IQCM: variants seen among roughly 807,000 people sequenced by gnomAD.
The protein encoded by IQCM is IQ motif containing M, also known as IQ domain-containing protein M.
A neutral mutation model predicts 57.6 loss-of-function variants in IQCM; 45 were observed. That is an observed-to-expected ratio of 0.78 (90% CI 0.62 to 1.00). IQCM has a LOEUF of 1.00. Ranked by LOEUF, IQCM falls within the 50% of genes least tolerant of loss-of-function variation. The probability of loss-of-function intolerance (pLI) is 0.00; values close to 1 mark genes in which losing one functional copy is unlikely to be tolerated. For synonymous variants in IQCM, 148 were observed against 158.9 expected (o/e 0.93, Z 0.51); for missense variants, 468 against 511.6 (o/e 0.91, Z 0.82).
At chr4:149,602,631 T>C (rs999635778) in intron 8 of IQCM, among the ~76,000 whole-genome samples, 1 of 152,104 alleles carries the variant, frequency 6.6e-6, no homozygotes, top group African/African-American at 2.4e-5. Context: ...TCTTCATTTA[T>C]GTAATATTTC....
intron 8 of IQCM, among the ~76,000 whole-genome samples, chr4:149,597,275 C>G (rs1244192942): frequency 6.6e-6 from 1 of 152,022 alleles, no homozygotes; most frequent in East Asian, 1.9e-4. Context: ...AGCAGTGAGA[C>G]AGAAAGAGAT....
chr4:149,532,274 C>T (rs560089160), intron 12 of IQCM, among the ~76,000 whole-genome samples: 32 of 152,130 alleles, frequency 2.1e-4, no homozygotes, highest in African/African-American at 7.7e-4. Flanking sequence ...TATACAAAGG[C>T]AATGCTGGTA....
chr4:149,735,120 A>C (rs1766814916), intron 4 of IQCM, among the ~76,000 whole-genome samples: 1 of 152,104 alleles, frequency 6.6e-6, no homozygotes, highest in Non-Finnish European at 1.5e-5. Context: ...AAATTCTTCA[A>C]AAAAAATTTA....
chr4:149,681,177 T>C (rs1762148417), intron 7 of IQCM, among the ~76,000 whole-genome samples: 1 of 151,258 alleles, frequency 6.6e-6, no homozygotes, highest in Non-Finnish European at 1.5e-5. Context: ...ATTACACCCA[T>C]TAGACCCTAG....
chr4:149,520,756 C>T (rs1745554087), intron 12 of IQCM, among the ~76,000 whole-genome samples: 1 of 152,134 alleles, frequency 6.6e-6, no homozygotes, highest in Non-Finnish European at 1.5e-5. Flanking sequence ...AGACATCATA[C>T]TTCCCTCAAA....
In IQCM at chr4:149,588,464, A is replaced by G. The variant is rs1428215641; in HGVS notation, c.682-467T>C. ...TCAAAAACCTAACTATTGAGGTGTT[A>G]TGGACTGAACTGTGCTTCCCCTAAA... is the stretch of plus-strand genomic sequence containing the variant. On this transcript the variant is annotated intron_variant, in intron 8 of 13. Transcript: ENST00000636793. Among the ~76,000 whole-genome samples, 3 of 151,916 alleles carry G rather than the reference A, an allele frequency of 2.0e-5. No homozygotes were observed. In the East Asian group the frequency reaches 5.8e-4, roughly 30 times the overall value.
At position 149,400,030 on chromosome 4, in the gene IQCM, G is replaced by A. The variant is rs565596322; in HGVS notation, c.1390+33366C>T. On this transcript the variant is annotated intron_variant, in intron 13 of 13. Coordinates refer to ENST00000636793, the MANE Select transcript of IQCM (RefSeq NM_001363507.2). ...ATACAATTGCAGACTCTGGATTGGC[G>A]GTAGAAAAGCATTATCAATACTTTT... 3.0e-4 allele frequency among the ~76,000 whole-genome samples: 46 copies of A among 151,956 alleles called. 1 individual carries two copies. Among genetic ancestry groups the A allele is most frequent in the Middle Eastern group, 3.4e-3 (1 of 294 alleles).
chr4:149,384,685 C>T (rs943381499), intron 13 of IQCM, among the ~76,000 whole-genome samples: 2 of 152,040 alleles, frequency 1.3e-5, no homozygotes, highest in African/African-American at 2.4e-5. Context: ...GTGAACCCCT[C>T]TCTAACTACA....
At chr4:149,421,214 C>T (rs570169218) in intron 13 of IQCM, among the ~76,000 whole-genome samples, 2 of 152,008 alleles carry the variant, frequency 1.3e-5, no homozygotes, top group Admixed American at 1.3e-4. Flanking sequence ...ACAGTATACA[C>T]TTTAGAGTAT....
chr4:149,405,332 G>GTT (rs1449342053), intron 13 of IQCM, among the ~76,000 whole-genome samples: 2 of 150,112 alleles, frequency 1.3e-5, no homozygotes, highest in Non-Finnish European at 3.0e-5. Context: ...TTTGTTATTT[G>GTT]TTTTCTTAGC....
At chr4:149,587,096 G>C (rs1021971417) in intron 9 of IQCM, among the ~76,000 whole-genome samples, 1 of 151,412 alleles carries the variant, frequency 6.6e-6, no homozygotes, top group Non-Finnish European at 1.5e-5. Flanking sequence ...AGTCATTTTG[G>C]CAGCTCTAAA....
At chr4:149,715,979 TG>T (rs1311702673) in intron 5 of IQCM, among the ~76,000 whole-genome samples, 1 of 152,186 alleles carries the variant, frequency 6.6e-6, no homozygotes. Flanking sequence ...GGGTGGGCCA[TG>T]GGCGGACCCA....
chr4:149,367,970 A>G (rs908838601), intron 13 of IQCM, among the ~76,000 whole-genome samples: 1 of 151,768 alleles, frequency 6.6e-6, no homozygotes, highest in African/African-American at 2.4e-5. Context: ...TCTTTTACCT[A>G]TTTTGCTATT....
intron 13 of IQCM, among the ~76,000 whole-genome samples, chr4:149,382,959 T>A (rs1320230145): frequency 4.0e-5 from 6 of 149,438 alleles, no homozygotes; most frequent in Admixed American, 1.3e-4. Context: ...TTATTTTTAA[T>A]CTTATTTTGA....
chr4:149,492,621 C>T (rs1742215547), intron 12 of IQCM, among the ~76,000 whole-genome samples: 1 of 152,098 alleles, frequency 6.6e-6, no homozygotes, highest in Non-Finnish European at 1.5e-5. Context: ...GCAAGGCCTA[C>T]ATTCTGTGTC....
In IQCM at chr4:149,568,256, G is replaced by A. The variant is rs1369439387; in HGVS notation, c.750-4366C>T. Among the ~76,000 whole-genome samples the A allele has an allele frequency of 5.9e-5, 9 of 152,112 alleles. No homozygotes were observed. In the East Asian group the frequency reaches 7.7e-4, roughly 13 times the overall value. ...CTGGAAGGCCTTTGCTGGGAGAGACGTCTCATGCAAACCTATCCATGTGCT... is the reference window on the plus strand; with the variant it reads ...CTGGAAGGCCTTTGCTGGGAGAGACATCTCATGCAAACCTATCCATGTGCT... On this transcript the variant is annotated intron_variant, in intron 9 of 13. Coordinates refer to ENST00000636793, the MANE Select transcript of IQCM (RefSeq NM_001363507.2).
chr4:149,612,630 C>A (rs146803351), intron 8 of IQCM, among the ~76,000 whole-genome samples: 2 of 152,026 alleles, frequency 1.3e-5, no homozygotes, highest in Admixed American at 1.3e-4. Flanking sequence ...ACAAAAAAAG[C>A]GGGTTTTTTT....
At chr4:149,732,338 T>C (rs1459064264) in intron 5 of IQCM, among the ~76,000 whole-genome samples, 1 of 152,292 alleles carries the variant, frequency 6.6e-6, no homozygotes, top group East Asian at 1.9e-4. Flanking sequence ...ATCTTCTGTT[T>C]CCATCCTACT....
chr4:149,809,480 G>T (rs973305662), intron 2 of IQCM, among the ~76,000 whole-genome samples: 1 of 152,090 alleles, frequency 6.6e-6, no homozygotes, highest in African/African-American at 2.4e-5. Context: ...TTGACTTAAA[G>T]ATTTTTATTT....
Sources: allele counts gnomAD v4.1 joint callset (sites outside exome capture counted in the v4.1 genomes callset), GRCh38; gene constraint gnomAD v4.1.1; transcripts MANE v1.5; gene names NCBI Gene and HGNC (gene_info 2026-07-23, HGNC 2026-07-21).